The following NRXN1 variants were observed in gnomAD, a reference collection of about 807,000 sequenced individuals.
The protein encoded by NRXN1 is neurexin-1.
A neutral mutation model predicts 150.9 loss-of-function variants in NRXN1; 39 were observed. That is an observed-to-expected ratio of 0.26 (90% CI 0.20 to 0.34). The LOEUF is 0.34. Ranked by LOEUF, NRXN1 falls within the 10% of genes least tolerant of loss-of-function variation. The pLI is 1.00. For synonymous variants in NRXN1, 924 were observed against 757.0 expected (o/e 1.22, Z -3.62); for missense variants, 1,815 against 1,949.9 (o/e 0.93, Z 1.30).
chr2:50,073,945 G>A (rs955794778), intron 19 of NRXN1, among the ~76,000 whole-genome samples: 3 of 152,172 alleles, frequency 2.0e-5, no homozygotes, highest in African/African-American at 7.2e-5. Context: ...AAGGAGGTCA[G>A]TGCAATGCAT....
intron 5 of NRXN1, among the ~76,000 whole-genome samples, chr2:50,831,314 TTACA>T (rs1415804763): frequency 6.6e-6 from 1 of 152,208 alleles, no homozygotes; most frequent in Non-Finnish European, 1.5e-5. Flanking sequence ...AATTATTTCA[TTACA>T]TAAAGAACAA....
intron 21 of NRXN1, among the ~76,000 whole-genome samples, chr2:50,052,467 GT>G (rs560303596): frequency 3.3e-5 from 5 of 151,270 alleles, no homozygotes; most frequent in South Asian, 2.1e-4. Flanking sequence ...TTCGAATAAG[GT>G]TTTTTTTTCC....
intron 8 of NRXN1, among the ~76,000 whole-genome samples, chr2:50,612,098 C>G (rs1678251179): frequency 6.6e-6 from 1 of 152,134 alleles, no homozygotes; most frequent in Non-Finnish European, 1.5e-5. Context: ...CAGTTACGGG[C>G]AAGGATTTCG....
chr2:50,367,888 T>C (rs1428594113), intron 17 of NRXN1, among the ~76,000 whole-genome samples: 1 of 152,018 alleles, frequency 6.6e-6, no homozygotes, highest in Non-Finnish European at 1.5e-5. Context: ...ATTCTGTCAT[T>C]CTGCAAGGCC....
chr2:51,030,571 C>G (rs1022763573), intron 1 of NRXN1, among the ~76,000 whole-genome samples: 3 of 125,490 alleles, frequency 2.4e-5, no homozygotes, highest in African/African-American at 8.8e-5. Flanking sequence ...CACACACACA[C>G]AGTGTGGGTG....
chr2:50,651,290 T>C (rs1685574849), intron 5 of NRXN1, among the ~76,000 whole-genome samples: 2 of 152,008 alleles, frequency 1.3e-5, no homozygotes, highest in Admixed American at 6.6e-5. Context: ...TTGAGCTTTA[T>C]GAGATTTTCT....
intron 21 of NRXN1, among the ~76,000 whole-genome samples, chr2:49,944,617 G>C (rs149381414): frequency 6.6e-6 from 1 of 152,112 alleles, no homozygotes; most frequent in African/African-American, 2.4e-5. Context: ...TGATAAGCAC[G>C]AAAAGTTGTT....
chr2:50,162,142 C>T (rs1323316774), intron 18 of NRXN1, among the ~76,000 whole-genome samples: 1 of 152,080 alleles, frequency 6.6e-6, no homozygotes, highest in African/African-American at 2.4e-5. Context: ...GCCCAAATTG[C>T]TCCTTATCCA....
intron 5 of NRXN1, among the ~76,000 whole-genome samples, chr2:50,865,230 T>C (rs1676712570): frequency 1.3e-5 from 2 of 151,904 alleles, no homozygotes; most frequent in Admixed American, 1.3e-4. Context: ...TCTTTCAGCT[T>C]GATTACTAGA....
At chr2:50,561,661 G>A (rs72884005) in intron 8 of NRXN1, among the ~76,000 whole-genome samples, 2,333 of 152,222 alleles carry the variant, frequency 0.015, 57 homozygotes, top group African/African-American at 0.052. Flanking sequence ...TTTTAGCAAC[G>A]TGACAGAAAA....
At position 50,577,437 on chromosome 2, in the gene NRXN1, C is replaced by A. The variant is rs376507493; in HGVS notation, c.1321-24412G>T. On this transcript the variant is annotated intron_variant, in intron 8 of 22. Transcript: ENST00000401669. ...CTCATTAGACCTTTATGATTGATTT[C>A]CCGCAGTATCACTGCACGGCAGCAT... 6.0e-5 allele frequency among the ~76,000 whole-genome samples: 9 copies of A among 151,020 alleles called. No homozygotes were observed. In the East Asian group the frequency reaches 1.2e-3, roughly 20 times the overall value.
chr2:50,278,267 T>A (rs1432467446), intron 17 of NRXN1, among the ~76,000 whole-genome samples: 4 of 88,502 alleles, frequency 4.5e-5, no homozygotes, highest in African/African-American at 1.9e-4. Context: ...ATATATATTA[T>A]ATATGTATTA....
chr2:50,455,082 CAA>C (rs1173580512), intron 17 of NRXN1, among the ~76,000 whole-genome samples: 2 of 152,088 alleles, frequency 1.3e-5, no homozygotes, highest in Non-Finnish European at 2.9e-5. Context: ...TTCTCTGAAT[CAA>C]AGAGTTGATG....
chr2:50,034,750 AT>A lies in NRXN1; in HGVS notation c.4128+18520del, dbSNP rs747708742. 5.3e-5 allele frequency among the ~76,000 whole-genome samples: 8 copies of A among 152,090 alleles called. No homozygotes were observed. The East Asian group carries it at 9.6e-4, about 18-fold the overall frequency. On this transcript the variant is annotated intron_variant, in intron 21 of 22. Transcript: ENST00000401669. ...CCAATATTTGAATGTGGTTTTGTAT[AT>A]GACTCAAACCCATATAGATCTGTAC...
intron 17 of NRXN1, among the ~76,000 whole-genome samples, chr2:50,258,222 T>G (rs2067903596): frequency 6.6e-6 from 1 of 152,058 alleles, no homozygotes; most frequent in Non-Finnish European, 1.5e-5. Context: ...CAATGCTGTT[T>G]GATAGCATTT....
At chr2:50,581,656 G>A (rs1300242259) in intron 8 of NRXN1, among the ~76,000 whole-genome samples, 1 of 152,198 alleles carries the variant, frequency 6.6e-6, no homozygotes, top group Non-Finnish European at 1.5e-5. Context: ...GGGATCATGA[G>A]AAAGAATGTC....
chr2:50,747,607 T>C (rs1441861665), intron 5 of NRXN1, among the ~76,000 whole-genome samples: 2 of 152,156 alleles, frequency 1.3e-5, no homozygotes, highest in Admixed American at 6.6e-5. Context: ...ACACTTGATC[T>C]ATCTCATCTT....
At chr2:49,993,758 T>C (rs1248660890) in intron 21 of NRXN1, among the ~76,000 whole-genome samples, 1 of 151,866 alleles carries the variant, frequency 6.6e-6, no homozygotes, top group East Asian at 1.9e-4. Flanking sequence ...ATGGAAAAAA[T>C]AGAAAAACGT....
At chr2:50,864,782 T>A (rs1676639295) in intron 5 of NRXN1, among the ~76,000 whole-genome samples, 1 of 151,976 alleles carries the variant, frequency 6.6e-6, no homozygotes, top group East Asian at 1.9e-4. Context: ...CCTTTGAAAC[T>A]TGGTTTTTGA....
Sources: gnomAD v4.1 joint callset for allele counts (sites outside exome capture counted in the v4.1 genomes callset) on GRCh38, gnomAD v4.1.1 for gene constraint, MANE v1.5 for transcripts, NCBI Gene and HGNC (gene_info 2026-07-23, HGNC 2026-07-21) for gene names.